ATP6V1H: variants seen among roughly 807,000 people sequenced by gnomAD.
ATP6V1H encodes the protein ATPase H+ transporting V1 subunit H.
A neutral mutation model predicts 71.7 loss-of-function variants in ATP6V1H; 39 were observed. The observed-to-expected ratio is 0.54, with a 90% CI of 0.42 to 0.71. The LOEUF (loss-of-function observed/expected upper bound fraction) is 0.71. ATP6V1H is among the 30% of genes least tolerant of loss of function. ATP6V1H has a pLI of 0.00. For synonymous variants in ATP6V1H, 192 were observed against 199.3 expected (o/e 0.96, Z 0.31); for missense variants, 509 against 594.9 (o/e 0.86, Z 1.50).
intron 2 of ATP6V1H, among the ~76,000 whole-genome samples, chr8:53,834,331 G>A (rs1044766324): frequency 3.3e-5 from 5 of 152,304 alleles, no homozygotes; most frequent in African/African-American, 1.2e-4. Context: ...AAAAGCACTC[G>A]CTGTATATTA....
intron 9 of ATP6V1H, among the ~76,000 whole-genome samples, chr8:53,793,071 C>T (rs1442759231): frequency 1.3e-5 from 2 of 152,096 alleles, no homozygotes; most frequent in East Asian, 3.9e-4. Context: ...AAAAGAGTTC[C>T]TACACATCAA....
chr8:53,793,702 G>A (rs1809640091), intron 9 of ATP6V1H, among the ~76,000 whole-genome samples: 2 of 152,074 alleles, frequency 1.3e-5, no homozygotes, highest in Non-Finnish European at 2.9e-5. Context: ...ACTTTGGGAG[G>A]CCGAGGCAGG....
intron 4 of ATP6V1H, among the ~76,000 whole-genome samples, chr8:53,822,710 G>C (rs1046913825): frequency 6.6e-6 from 1 of 151,708 alleles, no homozygotes; most frequent in Non-Finnish European, 1.5e-5. Context: ...TAAAAAAAGG[G>C]GTTTCAACTC....
intron 12 of ATP6V1H, among the ~76,000 whole-genome samples, chr8:53,745,432 C>G (rs1370335628): frequency 6.6e-6 from 1 of 151,890 alleles, no homozygotes; most frequent in Non-Finnish European, 1.5e-5. Flanking sequence ...AACAAAGGAC[C>G]CAAATCCTTA....
At chr8:53,819,858 A>C (rs1410436703) in intron 4 of ATP6V1H, among the ~76,000 whole-genome samples, 2 of 149,588 alleles carry the variant, frequency 1.3e-5, no homozygotes, top group Non-Finnish European at 3.0e-5. Context: ...ACATACATAC[A>C]TTGAACTGGT....
chr8:53,790,494 A>C (rs1203361621), intron 9 of ATP6V1H, among the ~76,000 whole-genome samples: 3 of 152,154 alleles, frequency 2.0e-5, no homozygotes, highest in African/African-American at 7.2e-5. Context: ...TTTAGCACAT[A>C]TTTTTCGAAG....
At chr8:53,723,649 C>T (rs1469392187) in intron 13 of ATP6V1H, among the ~76,000 whole-genome samples, 1 of 152,154 alleles carries the variant, frequency 6.6e-6, no homozygotes, top group South Asian at 2.1e-4. Context: ...TGAGGATCTC[C>T]CTACCTGGAT....
At chr8:53,728,639 C>G (rs1012969676) in intron 13 of ATP6V1H, among the ~76,000 whole-genome samples, 1 of 152,176 alleles carries the variant, frequency 6.6e-6, no homozygotes, top group Admixed American at 6.5e-5. Flanking sequence ...ATCCACTCGA[C>G]GGCATTTGTT....
At chr8:53,745,046 C>T (rs1205052149) in intron 12 of ATP6V1H, among the ~76,000 whole-genome samples, 1 of 152,196 alleles carries the variant, frequency 6.6e-6, no homozygotes, top group Non-Finnish European at 1.5e-5. Flanking sequence ...CTTGGCAAAA[C>T]TCTGCATATG....
Position 53,747,003 on chromosome 8 carries a change from A to G in ATP6V1H, c.1278-3313T>C, listed in dbSNP as rs138308022. Among the ~76,000 whole-genome samples the G allele has an allele frequency of 3.5e-3, 540 of 152,370 alleles. 6 individuals carry two copies. Among genetic ancestry groups the G allele is most frequent in the African/African-American group, 0.011 (477 of 41,596 alleles). ...TGATTAACAAGTTCAGCACTGGTAC[A>G]TACATTTAAAGAATGCAGCAGCTGA... On this transcript the variant is annotated intron_variant, in intron 12 of 13. Coordinates refer to ENST00000359530, the MANE Select transcript of ATP6V1H (RefSeq NM_015941.4).
At chr8:53,787,114 T>C (rs1391429536) in intron 9 of ATP6V1H, among the ~76,000 whole-genome samples, 1 of 152,228 alleles carries the variant, frequency 6.6e-6, no homozygotes, top group Non-Finnish European at 1.5e-5. Flanking sequence ...TGCAGGTTAC[T>C]AACAAACAGT....
chr8:53,739,439 A>C (rs1807339576), intron 13 of ATP6V1H: 1 of 152,180 alleles, frequency 6.6e-6, no homozygotes, highest in African/African-American at 2.4e-5. Context: ...AATTTACCTA[A>C]GCATAAAAAA....
rs527668861 is a variant in ATP6V1H at position 53,824,933 on chromosome 8, A to G, written c.306+4511T>C. ...GAATTCACTAAGGTACCAAAACAGA[A>G]AATATACAGAGATCAATGACTTTCA... On this transcript the variant is annotated intron_variant, in intron 4 of 13. Transcript: ENST00000359530. Among the ~76,000 whole-genome samples, 164 of 152,244 alleles carry G rather than the reference A, an allele frequency of 1.1e-3. 1 individual carries two copies. The highest frequency in any genetic ancestry group is 3.5e-3 in the African/African-American group (147 of 41,578).
At chr8:53,826,798 T>TA (rs923394166) in intron 4 of ATP6V1H, among the ~76,000 whole-genome samples, 1 of 150,032 alleles carries the variant, frequency 6.7e-6, no homozygotes, top group African/African-American at 2.5e-5. Flanking sequence ...AAAAAAAATA[T>TA]AAAAATTAGC....
chr8:53,819,599 A>G (rs1364739405), intron 4 of ATP6V1H, among the ~76,000 whole-genome samples: 12 of 129,682 alleles, frequency 9.3e-5, no homozygotes, highest in African/African-American at 3.5e-4. Flanking sequence ...ATACACACAC[A>G]TACACACATT....
intron 4 of ATP6V1H, among the ~76,000 whole-genome samples, chr8:53,818,644 G>A (rs1009259598): frequency 5.3e-5 from 8 of 152,248 alleles, no homozygotes; most frequent in Non-Finnish European, 1.0e-4. Flanking sequence ...TAAGGATAAA[G>A]AAATCTTTCC....
At chr8:53,801,917 A>C (rs371730722) in intron 7 of ATP6V1H, 21 bp from the exon 8 acceptor site, 2 of 1,605,806 alleles carry the variant, frequency 1.2e-6, no homozygotes, top group African/African-American at 2.7e-5. Flanking sequence ...AGAAGTGTTG[A>C]GTTTTTAAAT....
At chr8:53,815,420 T>G (rs1048157635) in intron 5 of ATP6V1H, among the ~76,000 whole-genome samples, 6 of 152,200 alleles carry the variant, frequency 3.9e-5, no homozygotes, top group African/African-American at 9.6e-5. Flanking sequence ...AAACTCCAAA[T>G]CATTCAGCAA....
chr8:53,828,898 G>A (rs943983124), intron 4 of ATP6V1H, among the ~76,000 whole-genome samples: 1 of 152,108 alleles, frequency 6.6e-6, no homozygotes, highest in Admixed American at 6.5e-5. Flanking sequence ...TTATACTCTA[G>A]TGTAAAATAC....
Sources: gnomAD v4.1 joint callset for allele counts (sites outside exome capture counted in the v4.1 genomes callset) on GRCh38, gnomAD v4.1.1 for gene constraint, MANE v1.5 for transcripts, NCBI Gene and HGNC (gene_info 2026-07-23, HGNC 2026-07-21) for gene names.